Variants in EBF1 observed in about 807,000 individuals in gnomAD.
EBF1 encodes the protein EBF transcription factor 1.
In EBF1, 10 loss-of-function variants were observed where a neutral mutation model predicts 68.4. That is an observed-to-expected ratio of 0.15 (90% CI 0.09 to 0.25). EBF1 has a LOEUF of 0.25. Among genes scored for constraint, EBF1 ranks in the 10% least tolerant of loss-of-function variants. The pLI is 1.00. For synonymous variants in EBF1, 298 were observed against 299.8 expected (o/e 0.99, Z 0.06); for missense variants, 509 against 794.4 (o/e 0.64, Z 4.32).
intron 15 of EBF1, among the ~76,000 whole-genome samples, chr5:158,703,515 C>T (rs949301307): frequency 1.3e-5 from 2 of 148,578 alleles, no homozygotes; most frequent in Non-Finnish European, 3.0e-5. Flanking sequence ...GGGAGCACCA[C>T]ATTCTAAATG....
At chr5:158,886,325 T>C (rs890061014) in intron 6 of EBF1, among the ~76,000 whole-genome samples, 7 of 152,256 alleles carry the variant, frequency 4.6e-5, no homozygotes, top group African/African-American at 1.7e-4. Context: ...CTCAGTGTCT[T>C]CCAGCAATCC....
intron 6 of EBF1, among the ~76,000 whole-genome samples, chr5:158,919,318 T>C (rs1807890265): frequency 6.6e-6 from 1 of 151,934 alleles, no homozygotes; most frequent in Non-Finnish European, 1.5e-5. Context: ...TTGGGTAACA[T>C]GTGGTCTAAG....
At chr5:158,994,874 A>C (rs971970234) in intron 6 of EBF1, among the ~76,000 whole-genome samples, 7 of 152,204 alleles carry the variant, frequency 4.6e-5, no homozygotes, top group African/African-American at 1.7e-4. Context: ...AAGTTCTCTA[A>C]GTTCATTTTG....
intron 6 of EBF1, among the ~76,000 whole-genome samples, chr5:159,006,295 A>G (rs1274144552): frequency 6.6e-6 from 1 of 152,180 alleles, no homozygotes; most frequent in African/African-American, 2.4e-5. Context: ...GTGATATCAC[A>G]AATAATTAAG....
At chr5:158,928,822 G>A (rs1206131982) in intron 6 of EBF1, among the ~76,000 whole-genome samples, 1 of 152,156 alleles carries the variant, frequency 6.6e-6, no homozygotes, top group African/African-American at 2.4e-5. Flanking sequence ...TATGATCCAG[G>A]AAGCCAGTTT....
chr5:159,030,260 A>T (rs1378355919), intron 6 of EBF1, among the ~76,000 whole-genome samples: 1 of 152,020 alleles, frequency 6.6e-6, no homozygotes, highest in Non-Finnish European at 1.5e-5. Context: ...TTCCTTTTTT[A>T]TGTCTTTTCC....
At chr5:158,957,209 A>G (rs970381390) in intron 6 of EBF1, among the ~76,000 whole-genome samples, 1 of 152,248 alleles carries the variant, frequency 6.6e-6, no homozygotes, top group African/African-American at 2.4e-5. Flanking sequence ...GGCTTCATAA[A>G]TTTAAACATT....
chr5:158,787,366 A>G (rs1418570002), intron 9 of EBF1, among the ~76,000 whole-genome samples: 2 of 152,144 alleles, frequency 1.3e-5, no homozygotes, highest in Non-Finnish European at 2.9e-5. Context: ...GCCTCCACAC[A>G]TGATCTTCCT....
intron 11 of EBF1, among the ~76,000 whole-genome samples, chr5:158,718,268 C>T (rs370028202): frequency 3.9e-5 from 6 of 152,062 alleles, no homozygotes; most frequent in East Asian, 1.9e-4. Flanking sequence ...AAAAGATTGT[C>T]GCCATCACTT....
intron 4 of EBF1, among the ~76,000 whole-genome samples, chr5:159,087,341 C>T (rs990659378): frequency 7.5e-6 from 1 of 134,022 alleles, no homozygotes; most frequent in Non-Finnish European, 1.6e-5. Context: ...TATATACACA[C>T]ACATATATAT....
chr5:159,011,387 T>C (rs2127681053), intron 6 of EBF1, among the ~76,000 whole-genome samples: 1 of 152,302 alleles, frequency 6.6e-6, no homozygotes, highest in East Asian at 1.9e-4. Context: ...AGAGTATATT[T>C]TTGTTAGCTG....
intron 6 of EBF1, among the ~76,000 whole-genome samples, chr5:159,062,180 T>C (rs1775973299): frequency 6.6e-6 from 1 of 152,174 alleles, no homozygotes; most frequent in East Asian, 1.9e-4. Context: ...CACCTTATCT[T>C]AAAATAAGGG....
At chr5:159,071,369 A>G (rs1461471232) in intron 6 of EBF1, among the ~76,000 whole-genome samples, 1 of 152,218 alleles carries the variant, frequency 6.6e-6, no homozygotes, top group Non-Finnish European at 1.5e-5. Context: ...CAAAAGGGAA[A>G]AAAAATGAAA....
At chr5:158,934,647 C>T (rs1405709253) in intron 6 of EBF1, among the ~76,000 whole-genome samples, 1 of 152,216 alleles carries the variant, frequency 6.6e-6, no homozygotes, top group Admixed American at 6.5e-5. Context: ...TCAGTCCAAA[C>T]ATTTTTCCTC....
chr5:158,956,754 C>CTTTTTTT (rs397883009), intron 6 of EBF1, among the ~76,000 whole-genome samples: 3 of 112,844 alleles, frequency 2.7e-5, no homozygotes, highest in African/African-American at 3.7e-5. Context: ...ACCAACACTT[C>CTTTTTTT]TTTTTTTTTT....
intron 6 of EBF1, among the ~76,000 whole-genome samples, chr5:158,972,278 T>C (rs778747122): frequency 3.3e-5 from 5 of 152,204 alleles, no homozygotes; most frequent in African/African-American, 4.8e-5. Flanking sequence ...GCTGACTTTA[T>C]TTCAGTCACC....
chr5:158,986,149 G>A (rs1287528806), intron 6 of EBF1, among the ~76,000 whole-genome samples: 2 of 152,178 alleles, frequency 1.3e-5, no homozygotes, highest in Non-Finnish European at 2.9e-5. Flanking sequence ...CTCCTTCCCA[G>A]CTTAATTAAG....
chr5:159,057,542 A>G (rs564337937), intron 6 of EBF1, among the ~76,000 whole-genome samples: 2 of 152,338 alleles, frequency 1.3e-5, no homozygotes, highest in African/African-American at 2.4e-5. Context: ...CCTAAGGCTG[A>G]TTGCACACAA....
chr5:159,031,018 CAA>C (rs1465461534), intron 6 of EBF1, among the ~76,000 whole-genome samples: 1 of 152,040 alleles, frequency 6.6e-6, no homozygotes, highest in East Asian at 1.9e-4. Context: ...ACTAAAAATA[CAA>C]AAAGTTAGCC....
Sources: allele counts gnomAD v4.1 joint callset (sites outside exome capture counted in the v4.1 genomes callset), GRCh38; gene constraint gnomAD v4.1.1; transcripts MANE v1.5; gene names NCBI Gene and HGNC (gene_info 2026-07-23, HGNC 2026-07-21).